SGCZ: variants seen among roughly 807,000 people sequenced by gnomAD.
The protein encoded by SGCZ is sarcoglycan zeta, also known as zeta-sarcoglycan.
In SGCZ, 40 loss-of-function variants were observed where a neutral mutation model predicts 41.3. That is an observed-to-expected ratio of 0.97 (90% CI 0.75 to 1.26). The LOEUF is 1.26. SGCZ is among the 50% of genes most tolerant of loss of function. The pLI is 0.00. For missense variants in SGCZ, 552 were observed against 369.8 expected, an observed-to-expected ratio of 1.49 and a Z score of -4.04; for synonymous variants, 206 against 137.5, an observed-to-expected ratio of 1.50 and a Z score of -3.49.
intron 1 of SGCZ, among the ~76,000 whole-genome samples, chr8:14,700,335 T>G (rs2117595099): frequency 6.6e-6 from 1 of 152,076 alleles, no homozygotes; most frequent in South Asian, 2.1e-4. Flanking sequence ...GGCCATTATC[T>G]TAATCAAATT....
At chr8:15,112,255 T>C (rs959594855) in intron 1 of SGCZ, among the ~76,000 whole-genome samples, 3 of 152,236 alleles carry the variant, frequency 2.0e-5, no homozygotes, top group African/African-American at 7.2e-5. Context: ...TACCCTGATA[T>C]CTTCTCAACT....
At chr8:14,465,308 A>C (rs190253253) in intron 2 of SGCZ, among the ~76,000 whole-genome samples, 5 of 151,814 alleles carry the variant, frequency 3.3e-5, no homozygotes, top group African/African-American at 1.2e-4. Context: ...ACATTTTAGT[A>C]GTATATAATG....
chr8:14,780,300 G>C (rs977584303), intron 1 of SGCZ, among the ~76,000 whole-genome samples: 6 of 151,526 alleles, frequency 4.0e-5, no homozygotes, highest in East Asian at 3.9e-4. Context: ...GCACGAACCC[G>C]GGGGGCAGAG....
At chr8:14,621,878 G>C (rs1181056236) in intron 1 of SGCZ, among the ~76,000 whole-genome samples, 4 of 151,994 alleles carry the variant, frequency 2.6e-5, no homozygotes, top group Non-Finnish European at 5.9e-5. Flanking sequence ...ACTAAGTGGA[G>C]TCTCTCCTCT....
chr8:15,230,202 A>G (rs1283694315), intron 1 of SGCZ, among the ~76,000 whole-genome samples: 1 of 144,948 alleles, frequency 6.9e-6, no homozygotes, highest in Non-Finnish European at 1.5e-5. Context: ...AAAAAAAAAA[A>G]CTGTAATGTG....
chr8:14,576,345 AGGAG>A (rs1804711653), intron 1 of SGCZ, among the ~76,000 whole-genome samples: 3 of 152,110 alleles, frequency 2.0e-5, no homozygotes, highest in Admixed American at 1.3e-4. Flanking sequence ...AGCCCTCTAA[AGGAG>A]GGAAAAAAAA....
At chr8:14,880,046 G>A (rs1263507567) in intron 1 of SGCZ, among the ~76,000 whole-genome samples, 2 of 151,924 alleles carry the variant, frequency 1.3e-5, no homozygotes, top group Non-Finnish European at 2.9e-5. Context: ...TCTCCATGTT[G>A]GCCAAGCTTG....
intron 1 of SGCZ, among the ~76,000 whole-genome samples, chr8:14,814,944 G>T (rs531680386): frequency 6.6e-6 from 1 of 151,752 alleles, no homozygotes; most frequent in Non-Finnish European, 1.5e-5. Context: ...TCTGTAATAG[G>T]ACATTAAAAA....
chr8:14,612,826 C>G (rs1805973291), intron 1 of SGCZ, among the ~76,000 whole-genome samples: 1 of 152,038 alleles, frequency 6.6e-6, no homozygotes, highest in Non-Finnish European at 1.5e-5. Context: ...GCTGGGATTA[C>G]AAGAACCTGC....
At chr8:14,236,403 C>T (rs1429465992) in intron 4 of SGCZ, among the ~76,000 whole-genome samples, 1 of 151,884 alleles carries the variant, frequency 6.6e-6, no homozygotes, top group Non-Finnish European at 1.5e-5. Flanking sequence ...TTAGAAAATT[C>T]ATATATGCTA....
intron 1 of SGCZ, among the ~76,000 whole-genome samples, chr8:14,662,202 G>C (rs750921605): frequency 1.3e-5 from 2 of 151,960 alleles, no homozygotes; most frequent in Non-Finnish European, 2.9e-5. Flanking sequence ...ATCTATTACA[G>C]TCTCTTTGCT....
At chr8:15,166,543 T>C (rs1036626704) in intron 1 of SGCZ, among the ~76,000 whole-genome samples, 1 of 152,182 alleles carries the variant, frequency 6.6e-6, no homozygotes, top group Middle Eastern at 3.2e-3. Context: ...CCACCACGCC[T>C]GGCCGATGCA....
At chr8:14,550,541 C>T (rs1390948116) in intron 2 of SGCZ, among the ~76,000 whole-genome samples, 1 of 151,864 alleles carries the variant, frequency 6.6e-6, no homozygotes, top group African/African-American at 2.4e-5. Flanking sequence ...GCTGGCTGTA[C>T]TACTGCTATG....
chr8:14,766,238 G>A (rs923706316), intron 1 of SGCZ, among the ~76,000 whole-genome samples: 10 of 152,102 alleles, frequency 6.6e-5, no homozygotes, highest in African/African-American at 2.4e-4. Flanking sequence ...GTGATTACAG[G>A]CATGAGGCAT....
intron 3 of SGCZ, among the ~76,000 whole-genome samples, chr8:14,256,458 G>T (rs957964377): frequency 6.6e-6 from 1 of 151,994 alleles, no homozygotes; most frequent in Non-Finnish European, 1.5e-5. Context: ...AAACATTTCA[G>T]CTCCTTCAGA....
chr8:14,457,326 C>T (rs1247712258), intron 2 of SGCZ, among the ~76,000 whole-genome samples: 4 of 152,188 alleles, frequency 2.6e-5, no homozygotes, highest in Admixed American at 2.0e-4. Context: ...CTTGGTCTAG[C>T]GGTGACGCCA....
chr8:14,672,075 G>C (rs1361290886), intron 1 of SGCZ, among the ~76,000 whole-genome samples: 1 of 151,984 alleles, frequency 6.6e-6, no homozygotes, highest in African/African-American at 2.4e-5. Flanking sequence ...ATTTCATTTA[G>C]GAAATAGAGG....
chr8:15,114,664 A>G (rs1254579666), intron 1 of SGCZ, among the ~76,000 whole-genome samples: 1 of 152,170 alleles, frequency 6.6e-6, no homozygotes, highest in African/African-American at 2.4e-5. Flanking sequence ...TACTGAACCC[A>G]TACAAATATT....
At chr8:14,398,163 A>G (rs1334668985) in intron 2 of SGCZ, among the ~76,000 whole-genome samples, 1 of 152,146 alleles carries the variant, frequency 6.6e-6, no homozygotes, top group African/African-American at 2.4e-5. Context: ...GGACAGGAGC[A>G]CTGTGTGCCT....
Sources: allele counts gnomAD v4.1 joint callset (sites outside exome capture counted in the v4.1 genomes callset), GRCh38; gene constraint gnomAD v4.1.1; transcripts MANE v1.5; gene names NCBI Gene and HGNC (gene_info 2026-07-23, HGNC 2026-07-21).